Variants in ADAMTSL1 observed in about 807,000 individuals in gnomAD.
The protein encoded by ADAMTSL1 is ADAMTS-like protein 1.
ADAMTSL1 carries 126 observed loss-of-function variants against 201.8 expected under a neutral mutation model. That is an observed-to-expected ratio of 0.62 (90% confidence interval 0.54 to 0.72). ADAMTSL1 has a LOEUF of 0.72. Among genes scored for constraint, ADAMTSL1 ranks in the 30% least tolerant of loss-of-function variants. The pLI, the probability that ADAMTSL1 is intolerant of heterozygous loss-of-function variation, is 0.00. For synonymous variants in ADAMTSL1, 1,121 were observed against 903.4 expected (o/e 1.24, Z -4.32); for missense variants, 2,679 against 2,277.8 (o/e 1.18, Z -3.59).
At chr9:18,431,337 A>G (rs979704349) in intron 2 of ADAMTSL1, among the ~76,000 whole-genome samples, 2 of 152,200 alleles carry the variant, frequency 1.3e-5, no homozygotes, top group African/African-American at 2.4e-5. Flanking sequence ...AAAATATCCC[A>G]TTATTGGAAG....
At chr9:18,597,842 C>T (rs771764784) in intron 4 of ADAMTSL1, among the ~76,000 whole-genome samples, 6 of 152,118 alleles carry the variant, frequency 3.9e-5, no homozygotes, top group Non-Finnish European at 7.4e-5. Flanking sequence ...AGTTTTAGCA[C>T]ATTCATGGTT....
intron 2 of ADAMTSL1, among the ~76,000 whole-genome samples, chr9:18,435,332 A>G (rs1040569180): frequency 1.3e-5 from 2 of 152,218 alleles, no homozygotes; most frequent in Non-Finnish European, 2.9e-5. Flanking sequence ...ATATTCATTT[A>G]TTTGTCCAAC....
chr9:18,287,573 G>T (rs1587474380), intron 2 of ADAMTSL1, among the ~76,000 whole-genome samples: 1 of 130,226 alleles, frequency 7.7e-6, no homozygotes, highest in South Asian at 2.6e-4. Flanking sequence ...TTACATATAT[G>T]TAAATATATG....
At chr9:17,972,642 A>G (rs1218951272) in intron 1 of ADAMTSL1, among the ~76,000 whole-genome samples, 1 of 151,838 alleles carries the variant, frequency 6.6e-6, no homozygotes, top group Non-Finnish European at 1.5e-5. Context: ...ATGTGTCTTT[A>G]TAGGAGCATG....
chr9:18,614,395 A>G (rs1474296939), intron 4 of ADAMTSL1, among the ~76,000 whole-genome samples: 1 of 152,182 alleles, frequency 6.6e-6, no homozygotes, highest in East Asian at 1.9e-4. Context: ...TGGTGACAAC[A>G]AATCCTAGTA....
At chr9:18,103,126 G>A (rs1020519277) in intron 1 of ADAMTSL1, among the ~76,000 whole-genome samples, 3 of 152,072 alleles carry the variant, frequency 2.0e-5, no homozygotes, top group Non-Finnish European at 2.9e-5. Context: ...AATAAGCAAA[G>A]ATGCCAAAAA....
At chr9:18,025,752 A>G (rs1451335090) in intron 1 of ADAMTSL1, among the ~76,000 whole-genome samples, 1 of 152,094 alleles carries the variant, frequency 6.6e-6, no homozygotes, top group Non-Finnish European at 1.5e-5. Context: ...TTTTGGTTCC[A>G]TATGAATTTT....
intron 2 of ADAMTSL1, among the ~76,000 whole-genome samples, chr9:18,433,440 G>T (rs1046239548): frequency 6.6e-6 from 1 of 152,000 alleles, no homozygotes; most frequent in African/African-American, 2.4e-5. Flanking sequence ...ATGTCTTAGG[G>T]TCTTCAATGG....
At chr9:18,165,916 A>G (rs911101278) in intron 2 of ADAMTSL1, among the ~76,000 whole-genome samples, 5 of 151,922 alleles carry the variant, frequency 3.3e-5, no homozygotes, top group Non-Finnish European at 7.4e-5. Flanking sequence ...TGCTACTCGT[A>G]TTAGTAACCA....
chr9:18,115,407 G>C (rs989056607), intron 1 of ADAMTSL1, among the ~76,000 whole-genome samples: 6 of 152,130 alleles, frequency 3.9e-5, no homozygotes, highest in Non-Finnish European at 8.8e-5. Flanking sequence ...ATGAGCTTTA[G>C]AGAGAACAAG....
chr9:18,879,198 A>C (rs2080297192), intron 23 of ADAMTSL1, among the ~76,000 whole-genome samples: 1 of 152,206 alleles, frequency 6.6e-6, no homozygotes, highest in Non-Finnish European at 1.5e-5. Context: ...AGATGATGTT[A>C]AGACATTTGG....
intron 2 of ADAMTSL1, among the ~76,000 whole-genome samples, chr9:18,178,469 C>G (rs1215311307): frequency 1.3e-5 from 2 of 152,136 alleles, no homozygotes; most frequent in Non-Finnish European, 1.5e-5. Flanking sequence ...CGCCATTGCC[C>G]AGGCTTGCTT....
chr9:17,961,057 C>G (rs1817730418), intron 1 of ADAMTSL1, among the ~76,000 whole-genome samples: 2 of 152,118 alleles, frequency 1.3e-5, no homozygotes, highest in South Asian at 4.1e-4. Context: ...TGCCATTTAT[C>G]TACCTTGGAA....
intron 2 of ADAMTSL1, among the ~76,000 whole-genome samples, chr9:18,298,351 C>T (rs953059962): frequency 1.3e-5 from 2 of 152,110 alleles, no homozygotes; most frequent in African/African-American, 4.8e-5. Context: ...TTGAAGGGAA[C>T]ACCAGAAAGC....
At chr9:18,137,761 T>C (rs1256164406) in intron 1 of ADAMTSL1, among the ~76,000 whole-genome samples, 1 of 152,206 alleles carries the variant, frequency 6.6e-6, no homozygotes, top group Admixed American at 6.5e-5. Flanking sequence ...ATCTGTTTAA[T>C]AATTAAAGGC....
chr9:18,700,779 A>G (rs1831878350), intron 13 of ADAMTSL1, among the ~76,000 whole-genome samples: 1 of 152,210 alleles, frequency 6.6e-6, no homozygotes, highest in African/African-American at 2.4e-5. Flanking sequence ...TTTCCAATAT[A>G]CTATTTTCCA....
intron 2 of ADAMTSL1, among the ~76,000 whole-genome samples, chr9:18,182,248 A>G (rs1446513065): frequency 2.6e-5 from 4 of 152,092 alleles, no homozygotes; most frequent in South Asian, 2.1e-4. Context: ...TGTAACAAAC[A>G]TGCACATTGT....
intron 2 of ADAMTSL1, among the ~76,000 whole-genome samples, chr9:18,438,962 C>T (rs2133444087): frequency 6.6e-6 from 1 of 152,250 alleles, no homozygotes; most frequent in South Asian, 2.1e-4. Context: ...ATGCACACTC[C>T]CCTGCTGCCA....
intron 1 of ADAMTSL1, among the ~76,000 whole-genome samples, chr9:17,910,693 C>G (rs1002551727): frequency 1.5e-5 from 1 of 68,434 alleles, no homozygotes; most frequent in African/African-American, 2.9e-5. Flanking sequence ...TTCAGTATCC[C>G]GGTAAATGCA....
Sources: gnomAD v4.1 joint callset for allele counts (sites outside exome capture counted in the v4.1 genomes callset) on GRCh38, gnomAD v4.1.1 for gene constraint, MANE v1.5 for transcripts, NCBI Gene and HGNC (gene_info 2026-07-23, HGNC 2026-07-21) for gene names.